CADM2: variants seen among roughly 807,000 people sequenced by gnomAD.
CADM2 encodes immunoglobulin superfamily member 4D.
CADM2 carries 12 observed loss-of-function variants against 49.8 expected under a neutral mutation model. The observed-to-expected ratio is 0.24, with a 90% CI of 0.15 to 0.39. The LOEUF is 0.39. Among genes scored for constraint, CADM2 ranks in the 10% least tolerant of loss-of-function variants. The pLI, the probability that CADM2 is intolerant of heterozygous loss-of-function variation, is 1.00. For synonymous variants in CADM2, 214 were observed against 175.4 expected (o/e 1.22, Z -1.74); for missense variants, 378 against 492.3 (o/e 0.77, Z 2.20).
chr3:85,577,984 TTTCC>T (rs35676169), intron 1 of CADM2, among the ~76,000 whole-genome samples: 4,891 of 134,216 alleles, frequency 0.036, 100 homozygotes, highest in East Asian at 0.069. Flanking sequence ...TATTAATCTC[TTTCC>T]TTCCTTCCTT....
Position 85,455,394 on chromosome 3 carries a change from A to G in CADM2, c.62-271128A>G, listed in dbSNP as rs1576587393. ...TGACAAAAACAGGTTTTATATTGTG[A>G]TCAAACAATATTCTGTTACATCCAC... On this transcript the variant is annotated intron_variant, in intron 1 of 9. Coordinates refer to ENST00000383699, the MANE Select transcript of CADM2 (RefSeq NM_001167675.2). 2.0e-5 allele frequency among the ~76,000 whole-genome samples: 3 copies of G among 152,196 alleles called. No homozygotes were observed. The South Asian group carries it at 6.2e-4, about 31-fold the overall frequency.
chr3:86,024,550 A>G (rs1733629517), intron 8 of CADM2, among the ~76,000 whole-genome samples: 1 of 152,186 alleles, frequency 6.6e-6, no homozygotes, highest in African/African-American at 2.4e-5. Flanking sequence ...AGTAATTTGG[A>G]GCAATTATAT....
At chr3:86,057,968 A>C (rs1275896408) in intron 8 of CADM2, among the ~76,000 whole-genome samples, 1 of 152,206 alleles carries the variant, frequency 6.6e-6, no homozygotes, top group Non-Finnish European at 1.5e-5. Context: ...AGCTTTTCCA[A>C]GATTATTTCA....
chr3:85,728,348 C>T (rs933690819), intron 2 of CADM2, among the ~76,000 whole-genome samples: 3 of 152,038 alleles, frequency 2.0e-5, no homozygotes, highest in Non-Finnish European at 4.4e-5. Flanking sequence ...CATAGCTTTC[C>T]GCATGCTTAT....
intron 2 of CADM2, among the ~76,000 whole-genome samples, chr3:85,798,174 T>C (rs929363704): frequency 1.7e-4 from 26 of 152,230 alleles, no homozygotes; most frequent in Admixed American, 1.4e-3. Flanking sequence ...ATTAGACCTT[T>C]GTCAGATGGA....
intron 1 of CADM2, among the ~76,000 whole-genome samples, chr3:85,668,587 A>C (rs1190185270): frequency 3.3e-5 from 5 of 152,028 alleles, no homozygotes; most frequent in Non-Finnish European, 7.4e-5. Context: ...GAGATCTGAT[A>C]GTTTTAAAAA....
chr3:85,682,664 T>C (rs1020993559), intron 1 of CADM2, among the ~76,000 whole-genome samples: 2 of 152,068 alleles, frequency 1.3e-5, no homozygotes, highest in African/African-American at 4.8e-5. Flanking sequence ...ACTAAATTTT[T>C]CTAGTTTGTA....
At chr3:85,297,411 G>A (rs927036286) in intron 1 of CADM2, among the ~76,000 whole-genome samples, 1 of 152,032 alleles carries the variant, frequency 6.6e-6, no homozygotes, top group African/African-American at 2.4e-5. Flanking sequence ...GAAAACAACA[G>A]GAGTTTCCAG....
chr3:84,982,696 A>G (rs12486854), intron 1 of CADM2, among the ~76,000 whole-genome samples: 8,816 of 94,312 alleles, frequency 0.093, 470 homozygotes, highest in African/African-American at 0.18. Flanking sequence ...ATTGAAAACT[A>G]TAAAGCATAT....
chr3:85,014,415 A>C (rs2034152982), intron 1 of CADM2, among the ~76,000 whole-genome samples: 1 of 152,258 alleles, frequency 6.6e-6, no homozygotes, highest in African/African-American at 2.4e-5. Context: ...TTTCATCATA[A>C]GTATGTACAC....
chr3:85,186,263 A>G (rs1047314985), intron 1 of CADM2, among the ~76,000 whole-genome samples: 2 of 152,156 alleles, frequency 1.3e-5, no homozygotes, highest in Non-Finnish European at 1.5e-5. Context: ...TTGGGCATCC[A>G]GGAAAAAGTC....
At chr3:85,502,057 A>G (rs749626543) in intron 1 of CADM2, among the ~76,000 whole-genome samples, 7 of 152,190 alleles carry the variant, frequency 4.6e-5, no homozygotes, top group Non-Finnish European at 7.4e-5. Context: ...GTAGTGACTG[A>G]GACTTTAGGA....
At position 85,884,289 on chromosome 3, in the gene CADM2, A is replaced by G. The variant is rs766385212; in HGVS notation, c.391+846A>G. Among the ~76,000 whole-genome samples the G allele has an allele frequency of 9.9e-5, 15 of 152,186 alleles. 1 individual carries two copies. The highest frequency in any genetic ancestry group is 1.8e-4 in the Non-Finnish European group (12 of 68,024). ...CCCTCTTTAGATAGAAAAAGGCACA[A>G]TGCTGCATTTAAAAGGACTAACACA... On this transcript the variant is annotated intron_variant, in intron 4 of 9. Transcript: ENST00000383699.
Position 85,309,674 on chromosome 3 carries a change from T to G in CADM2, c.61+350006T>G, listed in dbSNP as rs192322881. 6.6e-5 allele frequency among the ~76,000 whole-genome samples: 10 copies of G among 152,324 alleles called. No individual in the cohort carries two copies. In the East Asian group the frequency reaches 1.9e-3, roughly 29 times the overall value. ...TAATACCCACTAGAAGTTTCCATTT[T>G]CAAGTGTCAGACAACTGAGTCAATT... On this transcript the variant is annotated intron_variant, in intron 1 of 9. Coordinates refer to ENST00000383699, the MANE Select transcript of CADM2 (RefSeq NM_001167675.2).
intron 1 of CADM2, among the ~76,000 whole-genome samples, chr3:85,119,345 C>T (rs1408524055): frequency 1.3e-5 from 2 of 152,202 alleles, no homozygotes; most frequent in East Asian, 1.9e-4. Context: ...TGTTCTGTTC[C>T]ACTGTTCTAT....
In CADM2 at chr3:85,487,159, C is replaced by A. The variant is rs534241873; in HGVS notation, c.62-239363C>A. On this transcript the variant is annotated intron_variant, in intron 1 of 9. Coordinates refer to ENST00000383699, the MANE Select transcript of CADM2 (RefSeq NM_001167675.2). ...CAATAATATCACAAAGCCTGGGCTTCCAAGCATTCTGATTTTCCCTGTTTG... is the reference window on the plus strand; with the variant it reads ...CAATAATATCACAAAGCCTGGGCTTACAAGCATTCTGATTTTCCCTGTTTG... 3.3e-5 allele frequency among the ~76,000 whole-genome samples: 5 copies of A among 152,258 alleles called. 1 individual carries two copies. The highest frequency in any genetic ancestry group is 1.2e-4 in the African/African-American group (5 of 41,540).
intron 1 of CADM2, among the ~76,000 whole-genome samples, chr3:84,986,303 C>T (rs1363654908): frequency 1.3e-5 from 2 of 152,056 alleles, no homozygotes; most frequent in African/African-American, 4.8e-5. Context: ...ATTAATTTAG[C>T]GATTGACACT....
intron 8 of CADM2, among the ~76,000 whole-genome samples, chr3:86,007,591 A>G (rs1316675427): frequency 1.3e-5 from 2 of 152,174 alleles, no homozygotes; most frequent in East Asian, 3.9e-4. Flanking sequence ...AATTCACAGT[A>G]ATCTTTTGCT....
At chr3:85,285,038 G>T (rs1456717284) in intron 1 of CADM2, among the ~76,000 whole-genome samples, 1 of 152,102 alleles carries the variant, frequency 6.6e-6, no homozygotes, top group Non-Finnish European at 1.5e-5. Context: ...AATTCTGGAT[G>T]TATTTTGAAG....
Sources: gnomAD v4.1 joint callset for allele counts (sites outside exome capture counted in the v4.1 genomes callset) on GRCh38, gnomAD v4.1.1 for gene constraint, MANE v1.5 for transcripts, NCBI Gene and HGNC (gene_info 2026-07-23, HGNC 2026-07-21) for gene names.